Variants in NTRK3 observed in about 807,000 individuals in gnomAD.
The protein encoded by NTRK3 is NT-3 growth factor receptor.
NTRK3 carries 24 observed loss-of-function variants against 91.7 expected under a neutral mutation model. The ratio of observed to expected loss-of-function variants is 0.26; its 90% CI spans 0.19 to 0.37. The LOEUF (loss-of-function observed/expected upper bound fraction) is 0.37. Ranked by LOEUF, NTRK3 falls within the 10% of genes least tolerant of loss-of-function variation. NTRK3 has a pLI of 1.00. For missense variants in NTRK3, 880 were observed against 1,068.9 expected (o/e 0.82, Z 2.46); for synonymous variants, 483 against 404.0 (o/e 1.20, Z -2.34).
chr15:88,080,914 C>CA (rs993452347), intron 13 of NTRK3, among the ~76,000 whole-genome samples: 6 of 151,738 alleles, frequency 4.0e-5, no homozygotes, highest in Non-Finnish European at 8.8e-5. Context: ...CAGTCAAGGC[C>CA]AAAAAAAATG....
intron 11 of NTRK3, 127 bp from the exon 12 acceptor site, chr15:88,127,353 G>T: frequency 1.3e-6 from 1 of 793,186 alleles, no homozygotes; most frequent in Non-Finnish European, 2.2e-6. Context: ...TGAAAGCCAG[G>T]CTCTTGCAGT....
chr15:88,100,519 A>C (rs1372867349), intron 13 of NTRK3, among the ~76,000 whole-genome samples: 1 of 152,196 alleles, frequency 6.6e-6, no homozygotes, highest in Non-Finnish European at 1.5e-5. Context: ...GCCTCAGCTA[A>C]TTTACCCACC....
intron 17 of NTRK3, among the ~76,000 whole-genome samples, chr15:87,917,510 G>A (rs946351110): frequency 2.6e-5 from 4 of 152,262 alleles, no homozygotes; most frequent in African/African-American, 7.2e-5. Context: ...TAAGGATGCA[G>A]AATGGACTTG....
intron 3 of NTRK3, among the ~76,000 whole-genome samples, chr15:88,206,584 G>A (rs1457517127): frequency 1.3e-5 from 2 of 151,400 alleles, no homozygotes; most frequent in East Asian, 3.9e-4. Context: ...CGCGAACCCG[G>A]GAGGCGGAGC....
chr15:87,906,326 T>C (rs2066761492), intron 17 of NTRK3, among the ~76,000 whole-genome samples: 1 of 152,194 alleles, frequency 6.6e-6, no homozygotes, highest in African/African-American at 2.4e-5. Context: ...TGCCCTTCCG[T>C]TACCCCACAG....
At chr15:88,250,861 A>T (rs549344829) in intron 3 of NTRK3, among the ~76,000 whole-genome samples, 156 of 152,386 alleles carry the variant, frequency 1.0e-3, no homozygotes, top group Non-Finnish European at 1.9e-3. Flanking sequence ...TCTATTATCT[A>T]TACATTAAAT....
intron 14 of NTRK3, among the ~76,000 whole-genome samples, chr15:87,956,893 G>A (rs1215005168): frequency 1.3e-5 from 2 of 152,182 alleles, no homozygotes; most frequent in Admixed American, 1.3e-4. Flanking sequence ...GGGTGGGGTA[G>A]TCATTTAGGG....
chr15:88,202,176 C>T (rs2048360019), intron 3 of NTRK3, among the ~76,000 whole-genome samples: 1 of 152,188 alleles, frequency 6.6e-6, no homozygotes. Context: ...TCGTTTCTTG[C>T]CTTCCAGGTC....
intron 14 of NTRK3, among the ~76,000 whole-genome samples, chr15:87,952,411 T>A (rs921076449): frequency 6.6e-6 from 1 of 152,188 alleles, no homozygotes; most frequent in African/African-American, 2.4e-5. Flanking sequence ...GAAGCTCTGT[T>A]GGGCTGCTCT....
At chr15:88,079,947 T>C (rs1213229569) in intron 13 of NTRK3, among the ~76,000 whole-genome samples, 3 of 152,222 alleles carry the variant, frequency 2.0e-5, no homozygotes, top group Non-Finnish European at 2.9e-5. Context: ...TTGTTGTCAA[T>C]ATAAAATTAG....
At chr15:87,901,759 TG>T (rs869082319) in intron 17 of NTRK3, among the ~76,000 whole-genome samples, 1 of 127,640 alleles carries the variant, frequency 7.8e-6, no homozygotes, top group Non-Finnish European at 1.6e-5. Context: ...GGAGGAAAGT[TG>T]GGGAGGGGGG....
chr15:88,221,518 G>A (rs1186262899), intron 3 of NTRK3, among the ~76,000 whole-genome samples: 1 of 152,224 alleles, frequency 6.6e-6, no homozygotes. Context: ...ACCGTCAGGT[G>A]CGGTGGCTCA....
chr15:88,103,775 C>T (rs2050415010), intron 13 of NTRK3, among the ~76,000 whole-genome samples: 3 of 152,114 alleles, frequency 2.0e-5, no homozygotes, highest in Admixed American at 1.3e-4. Context: ...CTCCAATAGC[C>T]TCCCATTCCC....
At chr15:88,107,175 G>C (rs2050807258) in intron 13 of NTRK3, among the ~76,000 whole-genome samples, 1 of 152,070 alleles carries the variant, frequency 6.6e-6, no homozygotes, top group Non-Finnish European at 1.5e-5. Flanking sequence ...CAGGTGCAGT[G>C]CTCACATGTG....
chr15:88,135,895 T>C lies in NTRK3; in HGVS notation c.907+4A>G. The C allele has an allele frequency of 6.2e-7, 1 of 1,614,108 alleles. No individual in the cohort carries two copies. ...AGCCATCCCCCACAATAACATGCAC[T>C]TACAGTAGACAGTGAGGGCAACACT... On this transcript the variant is annotated splice_donor_region_variant and intron_variant, in intron 9 of 18. Transcript: ENST00000394480.
chr15:88,176,296 C>G lies in NTRK3; in HGVS notation c.395+7122G>C, dbSNP rs541320971. On this transcript the variant is annotated intron_variant, in intron 5 of 18. Coordinates refer to ENST00000394480, the Ensembl canonical transcript of NTRK3. ...GGACTACAGGCAAGCGCCACCATGC[C>G]CAGCTAATTTTTGTATTTTTAGTAG... 1.6e-4 allele frequency among the ~76,000 whole-genome samples: 24 copies of G among 152,114 alleles called. No individual in the cohort carries two copies. The East Asian group carries it at 4.5e-3, about 28-fold the overall frequency.
intron 5 of NTRK3, among the ~76,000 whole-genome samples, chr15:88,155,466 G>T (rs1221162071): frequency 6.6e-6 from 1 of 152,162 alleles, no homozygotes; most frequent in Non-Finnish European, 1.5e-5. Context: ...TGAATTTCTG[G>T]GTGTAAGGCA....
At chr15:87,928,970 A>T in intron 17 of NTRK3, 1 of 630,466 alleles carries the variant, frequency 1.6e-6, no homozygotes, top group East Asian at 2.7e-5. Flanking sequence ...ATTACAGTTC[A>T]GTTAAATGTC....
chr15:88,096,533 C>T (rs2049620590), intron 13 of NTRK3, among the ~76,000 whole-genome samples: 1 of 152,210 alleles, frequency 6.6e-6, no homozygotes, highest in African/African-American at 2.4e-5. Context: ...CCCCAAACTA[C>T]ACCCACCTCA....
Sources: allele counts gnomAD v4.1 joint callset (sites outside exome capture counted in the v4.1 genomes callset), GRCh38; gene constraint gnomAD v4.1.1; transcripts MANE v1.5; gene names NCBI Gene and HGNC (gene_info 2026-07-23, HGNC 2026-07-21).